RALYL: variants seen among roughly 807,000 people sequenced by gnomAD.
RALYL encodes the protein RALY RNA binding protein like.
In RALYL, 29 loss-of-function variants were observed where a neutral mutation model predicts 35.1. That is an observed-to-expected ratio of 0.83 (90% confidence interval 0.61 to 1.13). The LOEUF (loss-of-function observed/expected upper bound fraction) is 1.13. Ranked by LOEUF, RALYL falls within the 50% of genes most tolerant of loss-of-function variation. RALYL has a pLI of 0.00. For missense variants in RALYL, 359 were observed against 360.4 expected (o/e 1.00, Z 0.03); for synonymous variants, 120 against 127.6 (o/e 0.94, Z 0.40).
intron 8 of RALYL, among the ~76,000 whole-genome samples, chr8:84,913,043 G>GGTAGGTAGATAGATAC (rs374032007): frequency 1.4e-5 from 2 of 141,004 alleles, no homozygotes; most frequent in African/African-American, 5.3e-5. Context: ...TAGGTAGGTA[G>GGTAGGTAGATAGATAC]ATAGATAGAT....
At chr8:84,356,800 T>C (rs1322032098) in intron 1 of RALYL, among the ~76,000 whole-genome samples, 2 of 150,260 alleles carry the variant, frequency 1.3e-5, no homozygotes, top group East Asian at 3.9e-4. Context: ...AATGTTATGC[T>C]CTCTTTGTCA....
chr8:84,336,572 G>A (rs1356934306), intron 1 of RALYL, among the ~76,000 whole-genome samples: 6 of 152,210 alleles, frequency 3.9e-5, no homozygotes, highest in Admixed American at 3.3e-4. Flanking sequence ...TATGTAAAAG[G>A]ATAAGTATTC....
At chr8:84,535,493 T>A (rs1313339819) in intron 2 of RALYL, among the ~76,000 whole-genome samples, 1 of 150,740 alleles carries the variant, frequency 6.6e-6, no homozygotes, top group Non-Finnish European at 1.5e-5. Context: ...TGGAGTGCAG[T>A]GGCGCTGTCT....
intron 1 of RALYL, among the ~76,000 whole-genome samples, chr8:84,428,212 TATTA>T (rs1300706479): frequency 1.3e-5 from 2 of 151,964 alleles, no homozygotes; most frequent in African/African-American, 2.4e-5. Flanking sequence ...ATATATAAAC[TATTA>T]GTTATAGTTT....
chr8:84,858,647 A>T (rs1837514088), intron 5 of RALYL, among the ~76,000 whole-genome samples: 1 of 152,200 alleles, frequency 6.6e-6, no homozygotes, highest in African/African-American at 2.4e-5. Context: ...TGCCAATCTA[A>T]TATTTGATAA....
At chr8:84,415,644 C>A (rs981248575) in intron 1 of RALYL, among the ~76,000 whole-genome samples, 9 of 152,170 alleles carry the variant, frequency 5.9e-5, no homozygotes, top group Admixed American at 1.3e-4. Flanking sequence ...GCCCTAGGGG[C>A]ACTATTGCCT....
chr8:84,747,652 C>T (rs1485910645), intron 2 of RALYL, among the ~76,000 whole-genome samples: 4 of 151,806 alleles, frequency 2.6e-5, no homozygotes, highest in Non-Finnish European at 5.9e-5. Context: ...TCAGATAACT[C>T]AAATAAACTA....
intron 2 of RALYL, among the ~76,000 whole-genome samples, chr8:84,772,005 C>G (rs1815647637): frequency 6.6e-6 from 1 of 151,944 alleles, no homozygotes. Context: ...CATATTTAGG[C>G]AATAGTAATT....
intron 2 of RALYL, among the ~76,000 whole-genome samples, chr8:84,666,049 C>T (rs1301001478): frequency 6.6e-6 from 1 of 151,964 alleles, no homozygotes; most frequent in Admixed American, 6.6e-5. Context: ...AACAGTTCCC[C>T]TAATGGTTCG....
chr8:84,792,655 C>T (rs1410036030), intron 3 of RALYL, among the ~76,000 whole-genome samples: 1 of 152,190 alleles, frequency 6.6e-6, no homozygotes, highest in East Asian at 1.9e-4. Context: ...TCCATATCAA[C>T]AGCATGTAAG....
Position 84,921,057 on chromosome 8 carries a change from A to C in RALYL, c.*146A>C, listed in dbSNP as rs1406054458. 2 of 435,850 alleles carry C rather than the reference A, an allele frequency of 4.6e-6. No individual in the cohort carries two copies. Among genetic ancestry groups the C allele is most frequent in the Non-Finnish European group, 8.3e-6 (2 of 241,180 alleles). The allele number at this position is 435,850 out of a possible 1,614,324, so 27.0% of individuals were successfully genotyped here. On this transcript the variant is annotated 3_prime_UTR_variant, in exon 9 of 9. Coordinates refer to ENST00000521268, the MANE Select transcript of RALYL (RefSeq NM_173848.7). ...ATAAATAAAATGGACAGTATTGCTC[A>C]GTTTTAGAAATTCCATTTCTTCTAT...
intron 2 of RALYL, among the ~76,000 whole-genome samples, chr8:84,722,544 G>A (rs954229245): frequency 1.4e-5 from 2 of 143,304 alleles, no homozygotes; most frequent in Non-Finnish European, 3.0e-5. Context: ...GATGAAAGAG[G>A]GAAACAGGTC....
intron 2 of RALYL, among the ~76,000 whole-genome samples, chr8:84,605,997 T>C (rs1817050983): frequency 1.3e-5 from 2 of 152,106 alleles, no homozygotes; most frequent in South Asian, 4.2e-4. Context: ...AGCCACACAC[T>C]TGGGTCCATT....
At chr8:84,467,374 T>G (rs1415614823) in intron 1 of RALYL, among the ~76,000 whole-genome samples, 2 of 152,004 alleles carry the variant, frequency 1.3e-5, no homozygotes, top group African/African-American at 4.8e-5. Context: ...AAGAACATCT[T>G]TATTTCTGCC....
chr8:84,450,793 G>T (rs914387753), intron 1 of RALYL, among the ~76,000 whole-genome samples: 2 of 151,822 alleles, frequency 1.3e-5, no homozygotes, highest in African/African-American at 4.8e-5. Flanking sequence ...TGCCAATTTT[G>T]TGGGCAAAGG....
chr8:84,197,482 G>A (rs770327397), intron 1 of RALYL, among the ~76,000 whole-genome samples: 9 of 152,124 alleles, frequency 5.9e-5, no homozygotes, highest in Non-Finnish European at 1.0e-4. Context: ...GATGAATGGT[G>A]ATAATAAAGA....
chr8:84,497,902 A>G (rs1168444309), intron 1 of RALYL, among the ~76,000 whole-genome samples: 3 of 150,920 alleles, frequency 2.0e-5, no homozygotes, highest in Non-Finnish European at 4.4e-5. Flanking sequence ...CAGCCTGCCA[A>G]AGTGCTGGGA....
intron 1 of RALYL, among the ~76,000 whole-genome samples, chr8:84,500,230 C>T (rs1436120420): frequency 2.0e-5 from 3 of 151,974 alleles, no homozygotes; most frequent in Admixed American, 6.6e-5. Flanking sequence ...TTGAGAGTGG[C>T]GGTGTTTATT....
intron 1 of RALYL, among the ~76,000 whole-genome samples, chr8:84,401,846 G>T (rs75941011): frequency 6.6e-6 from 1 of 150,582 alleles, no homozygotes; most frequent in Admixed American, 6.6e-5. Context: ...TTCTGATAAG[G>T]ACTTTAATTT....
Sources: gnomAD v4.1 joint callset for allele counts (sites outside exome capture counted in the v4.1 genomes callset) on GRCh38, gnomAD v4.1.1 for gene constraint, MANE v1.5 for transcripts, NCBI Gene and HGNC (gene_info 2026-07-23, HGNC 2026-07-21) for gene names.